RBFOX1: variants seen among roughly 807,000 people sequenced by gnomAD.
RBFOX1 encodes RNA binding fox-1 homolog 1.
RBFOX1 carries 8 observed loss-of-function variants against 57.7 expected under a neutral mutation model. The observed-to-expected ratio is 0.14, with a 90% CI of 0.08 to 0.25. The LOEUF (loss-of-function observed/expected upper bound fraction) is 0.25. Ranked by LOEUF, RBFOX1 falls within the 10% of genes least tolerant of loss-of-function variation. The pLI, the probability that RBFOX1 is intolerant of heterozygous loss-of-function variation, is 1.00. For missense variants in RBFOX1, 611 were observed against 548.5 expected, an observed-to-expected ratio of 1.11 and a Z score of -1.14; for synonymous variants, 326 against 222.4, an observed-to-expected ratio of 1.47 and a Z score of -4.15.
At chr16:6,811,748 G>C (rs1258451021) in intron 3 of RBFOX1, among the ~76,000 whole-genome samples, 1 of 152,124 alleles carries the variant, frequency 6.6e-6, no homozygotes. Context: ...AATTAGCTGG[G>C]CGTGGTAGTG....
chr16:5,581,971 T>G (rs1204388550), intron 2 of RBFOX1, among the ~76,000 whole-genome samples: 1 of 152,238 alleles, frequency 6.6e-6, no homozygotes, highest in Non-Finnish European at 1.5e-5. Context: ...CTTTGGGGTT[T>G]ATGCACAATG....
intron 1 of RBFOX1, among the ~76,000 whole-genome samples, chr16:6,057,729 C>G (rs2095631784): frequency 6.6e-6 from 1 of 151,286 alleles, no homozygotes; most frequent in Admixed American, 6.6e-5. Context: ...CAAGGATTAT[C>G]TCCTGGGATA....
intron 4 of RBFOX1, among the ~76,000 whole-genome samples, chr16:7,271,612 A>T (rs2095320104): frequency 6.6e-6 from 1 of 152,170 alleles, no homozygotes; most frequent in South Asian, 2.1e-4. Context: ...TTAATACTAA[A>T]CTTAGAAGAT....
Position 7,272,310 on chromosome 16 carries a change from A to C in RBFOX1, c.27+220212A>C, listed in dbSNP as rs573856469. 4.7e-5 allele frequency among the ~76,000 whole-genome samples: 7 copies of C among 149,940 alleles called. No individual in the cohort carries two copies. In the East Asian group the frequency reaches 1.4e-3, roughly 30 times the overall value. On this transcript the variant is annotated intron_variant, in intron 4 of 15. Coordinates refer to ENST00000550418, the MANE Select transcript of RBFOX1 (RefSeq NM_018723.4). Reference sequence around the variant, plus strand: ...AGTGATTGTCCTGCCTCGGCCTCCCAAGTAGCTGGGATTACAGGCGCCCAC... The same window carrying C: ...AGTGATTGTCCTGCCTCGGCCTCCCCAGTAGCTGGGATTACAGGCGCCCAC...
At chr16:6,679,057 C>G (rs115308675) in intron 3 of RBFOX1, among the ~76,000 whole-genome samples, 4,183 of 152,130 alleles carry the variant, frequency 0.027, 194 homozygotes, top group African/African-American at 0.095. Flanking sequence ...TAACACCTCT[C>G]TAACCCTTGC....
intron 2 of RBFOX1, among the ~76,000 whole-genome samples, chr16:6,440,525 G>T (rs551025364): frequency 2.4e-4 from 36 of 152,168 alleles, no homozygotes; most frequent in African/African-American, 8.4e-4. Flanking sequence ...GGATTGGCCG[G>T]GTGCAGTGGC....
intron 1 of RBFOX1, among the ~76,000 whole-genome samples, chr16:5,324,087 C>T (rs1004107551): frequency 2.6e-5 from 4 of 152,186 alleles, no homozygotes; most frequent in Non-Finnish European, 4.4e-5. Flanking sequence ...GTGCTTCTGC[C>T]CAGCACCTGC....
chr16:6,979,112 C>T (rs943092197), intron 3 of RBFOX1, among the ~76,000 whole-genome samples: 1 of 152,208 alleles, frequency 6.6e-6, no homozygotes, highest in Non-Finnish European at 1.5e-5. Context: ...ATTATGGGCT[C>T]AGATAAAATT....
intron 4 of RBFOX1, among the ~76,000 whole-genome samples, chr16:7,222,854 G>T (rs1240456916): frequency 6.6e-6 from 1 of 152,168 alleles, no homozygotes; most frequent in Non-Finnish European, 1.5e-5. Context: ...TACAGGCATT[G>T]GTTGGTGGTT....
chr16:5,915,175 T>C (rs2058679048), intron 4 of RBFOX1, among the ~76,000 whole-genome samples: 2 of 152,188 alleles, frequency 1.3e-5, no homozygotes, highest in Admixed American at 1.3e-4. Flanking sequence ...GGTATCTAGA[T>C]TGTAGATGGA....
intron 6 of RBFOX1, 24 bp from the exon 7 acceptor site, chr16:7,587,223 T>C (rs763706934): frequency 1.3e-6 from 2 of 1,517,832 alleles, no homozygotes; most frequent in Non-Finnish European, 1.8e-6. Context: ...TTCTTGCTTA[T>C]AAGATATTTC....
At chr16:5,922,301 T>G (rs1254102016) in intron 4 of RBFOX1, among the ~76,000 whole-genome samples, 1 of 152,150 alleles carries the variant, frequency 6.6e-6, no homozygotes, top group Non-Finnish European at 1.5e-5. Context: ...AACACTGGGA[T>G]CACATTTTGA....
chr16:6,968,506 C>T (rs1308382492), intron 3 of RBFOX1, among the ~76,000 whole-genome samples: 4 of 152,176 alleles, frequency 2.6e-5, no homozygotes, highest in African/African-American at 7.2e-5. Context: ...GAAGTTCTCC[C>T]ATAGCCGTTT....
chr16:5,561,063 T>C (rs972983850), intron 2 of RBFOX1, among the ~76,000 whole-genome samples: 6 of 152,206 alleles, frequency 3.9e-5, no homozygotes, highest in African/African-American at 1.4e-4. Flanking sequence ...GTTTTATCAA[T>C]TCCCAAATGG....
intron 3 of RBFOX1, among the ~76,000 whole-genome samples, chr16:5,797,857 G>C (rs995487657): frequency 6.6e-5 from 10 of 152,174 alleles, no homozygotes; most frequent in Non-Finnish European, 1.5e-5. Context: ...GGTAAGTCAT[G>C]AGGCCTTAGA....
chr16:6,513,353 A>T (rs1436824466), intron 2 of RBFOX1, among the ~76,000 whole-genome samples: 1 of 151,860 alleles, frequency 6.6e-6, no homozygotes, highest in Admixed American at 6.6e-5. Flanking sequence ...TTGTGCTTGG[A>T]TAGCATTCCT....
chr16:6,112,394 G>A (rs1314854357), intron 1 of RBFOX1, among the ~76,000 whole-genome samples: 9 of 152,082 alleles, frequency 5.9e-5, no homozygotes, highest in Non-Finnish European at 1.5e-5. Context: ...ATAAAGGTTC[G>A]TTAAAGAAGT....
intron 2 of RBFOX1, among the ~76,000 whole-genome samples, chr16:6,642,649 C>T (rs2098501757): frequency 8.2e-6 from 1 of 121,660 alleles, no homozygotes; most frequent in East Asian, 2.8e-4. Flanking sequence ...GTAGGGATGC[C>T]AAAGAAAGGT....
chr16:7,040,481 C>G (rs78266709), intron 3 of RBFOX1, among the ~76,000 whole-genome samples: 14,302 of 152,074 alleles, frequency 0.094, 1,099 homozygotes, highest in East Asian at 0.32. Context: ...ATTTATAAAA[C>G]TGATGCATGC....
Sources: allele counts gnomAD v4.1 joint callset (sites outside exome capture counted in the v4.1 genomes callset), GRCh38; gene constraint gnomAD v4.1.1; transcripts MANE v1.5; gene names NCBI Gene and HGNC (gene_info 2026-07-23, HGNC 2026-07-21).